CDK17: variants seen among roughly 807,000 people sequenced by gnomAD.
CDK17 encodes cyclin dependent kinase 17, also known as cyclin-dependent kinase 17.
In CDK17, 24 loss-of-function variants were observed where a neutral mutation model predicts 77.6. The ratio of observed to expected loss-of-function variants is 0.31; its 90% CI spans 0.22 to 0.44. The LOEUF (loss-of-function observed/expected upper bound fraction) is 0.44. CDK17 is among the 20% of genes least tolerant of loss of function. CDK17 has a pLI of 1.00. For synonymous variants in CDK17, 203 were observed against 210.4 expected, an observed-to-expected ratio of 0.96 and a Z score of 0.30; for missense variants, 429 against 622.5, an observed-to-expected ratio of 0.69 and a Z score of 3.31.
chr12:96,336,155 CATATTA>C (rs1384377340), intron 1 of CDK17, among the ~76,000 whole-genome samples: 1 of 151,954 alleles, frequency 6.6e-6, no homozygotes, highest in African/African-American at 2.4e-5. Context: ...TTACTACTTT[CATATTA>C]TATTTTAAAA....
intron 1 of CDK17, among the ~76,000 whole-genome samples, chr12:96,359,235 GATAC>G (rs1953457909): frequency 6.6e-6 from 1 of 152,120 alleles, no homozygotes; most frequent in South Asian, 2.1e-4. Context: ...CAAACATGAA[GATAC>G]ATACACCATG....
At chr12:96,303,007 T>C (rs1369683743) in intron 5 of CDK17, 3 of 152,176 alleles carry the variant, frequency 2.0e-5, no homozygotes, top group Non-Finnish European at 4.4e-5. Flanking sequence ...ATTTCCAACT[T>C]AGGATTTAAT....
rs75430353 is a variant in CDK17, at chr12:96,353,900, C to T, written c.-29-19035G>A. Among the ~76,000 whole-genome samples, 4 of 152,168 alleles carry T rather than the reference C, an allele frequency of 2.6e-5. No homozygotes were observed. In the East Asian group the frequency reaches 7.7e-4, roughly 29 times the overall value. ...TTGAACCTATTGGAACAAATTTAAT[C>T]TAGAACTCAGAAAAAAAGTCAATGT... On this transcript the variant is annotated intron_variant, in intron 1 of 16. Transcript: ENST00000261211.
At chr12:96,387,331 CT>C (rs1386130427) in intron 1 of CDK17, 1 of 153,768 alleles carries the variant, frequency 6.5e-6, no homozygotes, top group Non-Finnish European at 1.4e-5. Context: ...GTGCTAAACC[CT>C]AGAACAGTGT....
At chr12:96,281,500 C>G (rs1365615211) in intron 15 of CDK17, among the ~76,000 whole-genome samples, 1 of 152,192 alleles carries the variant, frequency 6.6e-6, no homozygotes, top group Non-Finnish European at 1.5e-5. Context: ...TCCTGAGTAG[C>G]TGGGATTACA....
intron 9 of CDK17, among the ~76,000 whole-genome samples, chr12:96,295,609 GAA>G (rs1336439332): frequency 1.3e-5 from 2 of 151,830 alleles, no homozygotes; most frequent in African/African-American, 2.4e-5. Flanking sequence ...GCGATTTTAT[GAA>G]AAGTCTGAGG....
At position 96,279,421 on chromosome 12, in the gene CDK17, A is replaced by G. The variant is rs1045556941; in HGVS notation, c.*821T>C. On this transcript the variant is annotated 3_prime_UTR_variant, in exon 17 of 17. Transcript: ENST00000261211. ...AGCAAGACCTTTCGCGTTTGAACAG[A>G]CTTCTACGGTTAAGTTTTAACTAAA... 6.6e-6 allele frequency: 1 copy of G among 152,252 alleles called. No individual in the cohort carries two copies. The highest frequency in any genetic ancestry group is 6.5e-5 in the Admixed American group (1 of 15,292). 9.4% of individuals were successfully genotyped at this position (152,252 alleles called of 1,614,324 possible).
At chr12:96,379,331 A>G (rs1953837283) in intron 1 of CDK17, among the ~76,000 whole-genome samples, 1 of 152,236 alleles carries the variant, frequency 6.6e-6, no homozygotes, top group Admixed American at 6.5e-5. Context: ...AATGCAGAAC[A>G]ATTTATAGAA....
At chr12:96,365,296 C>T (rs10860024) in intron 1 of CDK17, among the ~76,000 whole-genome samples, 58,775 of 151,974 alleles carry the variant, frequency 0.39, 11,734 homozygotes, top group East Asian at 0.59. Context: ...TTTACAGAGT[C>T]TTTACATCCA....
Position 96,297,568 on chromosome 12 carries a change from C to T in CDK17, c.810+59G>A, listed in dbSNP as rs900106565. The stretch of plus-strand genomic sequence containing the variant: ...GAAAAATAAAAAACAAACTAAAAGT[C>T]CAATTTACTATGTTTTTCTAAAGTA... On this transcript the variant is annotated intron_variant, in intron 8 of 16. Coordinates refer to ENST00000261211, the MANE Select transcript of CDK17 (RefSeq NM_002595.5). 41 of 1,120,780 alleles carry T rather than the reference C, an allele frequency of 3.7e-5. 1 individual carries two copies. The highest frequency in any genetic ancestry group is 2.1e-5 in the African/African-American group (1 of 47,958). 69.4% of individuals were successfully genotyped at this position (1,120,780 alleles called of 1,614,324 possible).
chr12:96,328,331 A>G (rs1164820718), intron 2 of CDK17, among the ~76,000 whole-genome samples: 1 of 152,052 alleles, frequency 6.6e-6, no homozygotes, highest in Non-Finnish European at 1.5e-5. Context: ...ATTACAATAT[A>G]ATAATAATAG....
chr12:96,318,620 A>C (rs1952767038), intron 3 of CDK17, among the ~76,000 whole-genome samples: 1 of 146,472 alleles, frequency 6.8e-6, no homozygotes, highest in Non-Finnish European at 1.5e-5. Flanking sequence ...CAGTGCAATC[A>C]AACTAGAACT....
chr12:96,319,928 T>C (rs1325929770), intron 3 of CDK17, among the ~76,000 whole-genome samples: 90 of 148,442 alleles, frequency 6.1e-4, no homozygotes, highest in Admixed American at 4.7e-4. Context: ...CTATTCAACA[T>C]AGTGTTGGAA....
At chr12:96,365,121 T>A (rs528296340) in intron 1 of CDK17, among the ~76,000 whole-genome samples, 12 of 152,324 alleles carry the variant, frequency 7.9e-5, no homozygotes, top group Admixed American at 7.8e-4. Flanking sequence ...ATATTCAATG[T>A]TAAATAAAAA....
chr12:96,361,533 T>C (rs2137189639), intron 1 of CDK17, among the ~76,000 whole-genome samples: 1 of 152,330 alleles, frequency 6.6e-6, no homozygotes, highest in East Asian at 1.9e-4. Context: ...TTTCTCCATT[T>C]TAAATATTTA....
chr12:96,389,889 G>T (rs1170212437), intron 1 of CDK17, among the ~76,000 whole-genome samples: 3 of 149,038 alleles, frequency 2.0e-5, no homozygotes, highest in Non-Finnish European at 3.0e-5. Flanking sequence ...GAGTGCAGCG[G>T]TGTGATCTTG....
chr12:96,392,680 G>A (rs1954089110), intron 1 of CDK17, among the ~76,000 whole-genome samples: 1 of 152,150 alleles, frequency 6.6e-6, no homozygotes, highest in African/African-American at 2.4e-5. Context: ...ACAGAAATAG[G>A]GGATTCGAGT....
At chr12:96,330,325 T>A (rs1039766347) in intron 2 of CDK17, among the ~76,000 whole-genome samples, 1 of 151,788 alleles carries the variant, frequency 6.6e-6, no homozygotes, top group Non-Finnish European at 1.5e-5. Flanking sequence ...ATACATTGAG[T>A]GTTTATGAGG....
chr12:96,349,345 T>C (rs1592746042), intron 1 of CDK17, among the ~76,000 whole-genome samples: 1 of 151,578 alleles, frequency 6.6e-6, no homozygotes, highest in Non-Finnish European at 1.5e-5. Flanking sequence ...CCCAGCTACT[T>C]AGGAGGTTGA....
Sources: gnomAD v4.1 joint callset for allele counts (sites outside exome capture counted in the v4.1 genomes callset) on GRCh38, gnomAD v4.1.1 for gene constraint, MANE v1.5 for transcripts, NCBI Gene and HGNC (gene_info 2026-07-23, HGNC 2026-07-21) for gene names.